Variants in PAPPA observed in about 807,000 individuals in gnomAD.
PAPPA encodes pappalysin-1.
In PAPPA, 60 loss-of-function variants were observed where a neutral mutation model predicts 164.0. The ratio of observed to expected loss-of-function variants is 0.37; its 90% CI spans 0.30 to 0.45. The LOEUF (loss-of-function observed/expected upper bound fraction) is 0.45, where lower values mean the gene tolerates loss of function less well. PAPPA is among the 20% of genes least tolerant of loss of function. The probability of loss-of-function intolerance (pLI) is 1.00; values close to 1 mark genes in which losing one functional copy is unlikely to be tolerated. For synonymous variants in PAPPA, 875 were observed against 814.1 expected, an observed-to-expected ratio of 1.07 and a Z score of -1.27; for missense variants, 1,782 against 2,087.3, an observed-to-expected ratio of 0.85 and a Z score of 2.85.
chr9:116,174,208 C>T (rs190881911), intron 1 of PAPPA, among the ~76,000 whole-genome samples: 123 of 152,290 alleles, frequency 8.1e-4, no homozygotes, highest in Non-Finnish European at 1.4e-3. Context: ...CTGTCATTGC[C>T]CTCCCTGCCT....
intron 14 of PAPPA, 38 bp from the exon 15 acceptor site, chr9:116,346,988 G>C: frequency 6.4e-7 from 1 of 1,562,382 alleles, no homozygotes; most frequent in African/African-American, 1.4e-5. Flanking sequence ...CTAGAGCTCA[G>C]TCTGCCACTC....
intron 10 of PAPPA, among the ~76,000 whole-genome samples, chr9:116,323,683 A>G (rs747387241): frequency 6.6e-6 from 1 of 152,246 alleles, no homozygotes; most frequent in Non-Finnish European, 1.5e-5. Context: ...AAAGGGACCC[A>G]TAAGTCTCAG....
In PAPPA at chr9:116,347,614, A is replaced by G. The variant is rs1846228632; in HGVS notation, c.3964+405A>G. ...TACTATTATTCCCATTTCACAGATG[A>G]GGAAACCAAGCCTCAGAGGGTTTAA... is the stretch of plus-strand genomic sequence containing the variant. On this transcript the variant is annotated intron_variant, in intron 15 of 21. Transcript: ENST00000328252. This position sits in a 1 kb window ranked among gnomAD's most constrained non-coding sequence, Gnocchi z 4.5. Among the ~76,000 whole-genome samples, 1 of 152,220 alleles carries G rather than the reference A, an allele frequency of 6.6e-6. No homozygotes were observed. Among genetic ancestry groups the G allele is most frequent in the African/African-American group, 2.4e-5 (1 of 41,474 alleles).
chr9:116,321,023 G>T (rs2118926977), intron 10 of PAPPA, among the ~76,000 whole-genome samples: 1 of 151,422 alleles, frequency 6.6e-6, no homozygotes, highest in Non-Finnish European at 1.5e-5. Flanking sequence ...TGGTATTGTT[G>T]TTATACATTT....
At chr9:116,395,603 G>A (rs1020144759) in intron 21 of PAPPA, among the ~76,000 whole-genome samples, 1 of 152,228 alleles carries the variant, frequency 6.6e-6, no homozygotes, top group Admixed American at 6.5e-5. Context: ...GGATGGGGAA[G>A]ACACTCACTC....
chr9:116,373,304 C>T (rs1174132449), intron 19 of PAPPA: 1 of 152,016 alleles, frequency 6.6e-6, no homozygotes, highest in East Asian at 1.9e-4. Context: ...CGACTATGCA[C>T]CTCCAAGCAG....
At chr9:116,269,432 G>A (rs991641954) in intron 8 of PAPPA, among the ~76,000 whole-genome samples, 2 of 152,164 alleles carry the variant, frequency 1.3e-5, no homozygotes, top group African/African-American at 4.8e-5. Context: ...AAACTGGGGT[G>A]CTAGGATGAT....
chr9:116,387,990 T>TAA (rs1481194599), intron 21 of PAPPA, among the ~76,000 whole-genome samples: 2 of 152,208 alleles, frequency 1.3e-5, no homozygotes, highest in African/African-American at 4.8e-5. Context: ...GTTTTCCACC[T>TAA]AAACTTCTTC....
intron 9 of PAPPA, chr9:116,287,008 T>C (rs1194272741): frequency 1.3e-5 from 2 of 152,190 alleles, no homozygotes; most frequent in Non-Finnish European, 2.9e-5. Flanking sequence ...TGCCAAATCA[T>C]AGGGCATCCG....
intron 10 of PAPPA, among the ~76,000 whole-genome samples, chr9:116,322,560 C>T (rs1233343835): frequency 6.6e-6 from 1 of 152,084 alleles, no homozygotes; most frequent in Non-Finnish European, 1.5e-5. Context: ...GTCCAGGTTC[C>T]CTGAGGCCCT....
intron 9 of PAPPA, among the ~76,000 whole-genome samples, chr9:116,285,474 A>T (rs78321652): frequency 0.018 from 2,661 of 151,938 alleles, 29 homozygotes; most frequent in South Asian, 0.032. Flanking sequence ...ACCTCCTACT[A>T]TATTGCTGGC....
intron 12 of PAPPA, among the ~76,000 whole-genome samples, chr9:116,333,644 G>A (rs1203062328): frequency 6.6e-6 from 1 of 152,154 alleles, no homozygotes; most frequent in Middle Eastern, 3.2e-3. Flanking sequence ...TAAAGGCAAG[G>A]GGAACCTATG....
intron 10 of PAPPA, among the ~76,000 whole-genome samples, chr9:116,324,822 T>C (rs1412430976): frequency 6.6e-6 from 1 of 151,952 alleles, no homozygotes; most frequent in Non-Finnish European, 1.5e-5. Context: ...TTGTCCAGCA[T>C]GAAGGAAGCA....
intron 10 of PAPPA, among the ~76,000 whole-genome samples, chr9:116,313,109 C>G (rs1414651224): frequency 1.3e-5 from 2 of 150,704 alleles, no homozygotes; most frequent in African/African-American, 2.4e-5. Flanking sequence ...AAAGAAACTC[C>G]AACCATGATT....
intron 1 of PAPPA, among the ~76,000 whole-genome samples, chr9:116,166,575 T>A (rs939583628): frequency 1.3e-5 from 2 of 152,164 alleles, no homozygotes; most frequent in African/African-American, 4.8e-5. Flanking sequence ...GAATTCTCTA[T>A]CCGCTGTTTA....
intron 1 of PAPPA, among the ~76,000 whole-genome samples, chr9:116,162,068 C>G (rs1843670495): frequency 6.6e-6 from 1 of 150,508 alleles, no homozygotes; most frequent in South Asian, 2.1e-4. Context: ...TCTCTGTACA[C>G]TTGCAAACTC....
intron 21 of PAPPA, among the ~76,000 whole-genome samples, chr9:116,395,998 A>G (rs1846957883): frequency 6.6e-6 from 1 of 152,188 alleles, no homozygotes; most frequent in African/African-American, 2.4e-5. Flanking sequence ...ACAGTGCACG[A>G]CAATTTTCCA....
At chr9:116,231,089 A>G (rs1844586164) in intron 6 of PAPPA, among the ~76,000 whole-genome samples, 1 of 152,098 alleles carries the variant, frequency 6.6e-6, no homozygotes, top group African/African-American at 2.4e-5. Flanking sequence ...ATATATATAG[A>G]TATATAACGG....
At chr9:116,176,472 A>G (rs775934829) in intron 1 of PAPPA, among the ~76,000 whole-genome samples, 10 of 152,192 alleles carry the variant, frequency 6.6e-5, no homozygotes, top group Non-Finnish European at 1.3e-4. Flanking sequence ...TTGTTTTTTC[A>G]TACCCTTTAT....
Sources: allele counts gnomAD v4.1 joint callset (sites outside exome capture counted in the v4.1 genomes callset), GRCh38; gene constraint gnomAD v4.1.1; non-coding constraint Gnocchi (gnomAD v3.1); transcripts MANE v1.5; gene names NCBI Gene and HGNC (gene_info 2026-07-23, HGNC 2026-07-21).